Variants in MAL2 observed in about 807,000 individuals in gnomAD.
The protein encoded by MAL2 is mal, T cell differentiation protein 2, also known as protein MAL2.
Under a neutral mutation model 18.1 loss-of-function variants are expected in MAL2, and 17 were observed. That is an observed-to-expected ratio of 0.94 (90% CI 0.64 to 1.41). The LOEUF (loss-of-function observed/expected upper bound fraction) is 1.41, where lower values mean the gene tolerates loss of function less well. Ranked by LOEUF, MAL2 falls within the 40% of genes most tolerant of loss-of-function variation. The pLI, the probability that MAL2 is intolerant of heterozygous loss-of-function variation, is 0.00. For synonymous variants in MAL2, 102 were observed against 102.3 expected, an observed-to-expected ratio of 1.00 and a Z score of 0.02; for missense variants, 222 against 231.9, an observed-to-expected ratio of 0.96 and a Z score of 0.28.
At chr8:119,229,272 G>C (rs1817659062) in intron 2 of MAL2, among the ~76,000 whole-genome samples, 1 of 150,464 alleles carries the variant, frequency 6.6e-6, no homozygotes, top group African/African-American at 2.4e-5. Flanking sequence ...TAGTCTATTT[G>C]CTATTGATCA....
intron 1 of MAL2, among the ~76,000 whole-genome samples, chr8:119,213,176 C>T (rs143859224): frequency 7.2e-5 from 11 of 152,208 alleles, no homozygotes; most frequent in African/African-American, 2.6e-4. Flanking sequence ...CTAGACTAAA[C>T]TTAAATATAA....
At position 119,221,627 on chromosome 8, in the gene MAL2, A is replaced by C; in HGVS notation, c.173A>C (p.Asn58Thr). 1 of 1,613,708 alleles carries C rather than the reference A, an allele frequency of 6.2e-7. No individual in the cohort carries two copies. Among genetic ancestry groups the C allele is most frequent in the Non-Finnish European group, 8.5e-7 (1 of 1,179,772 alleles). The change falls in exon 2 of 4, where the codon AAT (asparagine) becomes ACT (threonine). Residue 58 changes from asparagine (N) to threonine (T), a missense_variant. Asn to Thr is a moderately conservative substitution (Grantham distance 65). Coordinates refer to ENST00000614891, the MANE Select transcript of MAL2 (RefSeq NM_052886.3). ...GTCTGGATTTTGGTTGCCTCCTCCA[A>C]TGTTCCTCTACCTCTACTACAAGGA... ...GLVWILVASSNVPLPLLQGWV... is the reference protein window; with the variant it reads ...GLVWILVASSTVPLPLLQGWV...
chr8:119,211,672 T>A (rs949325845), intron 1 of MAL2, among the ~76,000 whole-genome samples: 2 of 150,542 alleles, frequency 1.3e-5, no homozygotes, highest in African/African-American at 4.9e-5. Flanking sequence ...AAGTGGAGAA[T>A]ATTACAATCT....
intron 3 of MAL2, among the ~76,000 whole-genome samples, chr8:119,241,980 T>C (rs1362260269): frequency 6.6e-6 from 1 of 152,124 alleles, no homozygotes; most frequent in African/African-American, 2.4e-5. Flanking sequence ...GTGATCCACA[T>C]TAGAAAACCC....
In MAL2 at chr8:119,243,744, GAA is replaced by G; in HGVS notation, c.*258_*259del. ...CCTTTATTTTCCTCCTTTTCTTTCTGAAAGTTTCCTTTTATGTCCATAAAATA... is the reference window on the plus strand; with the variant it reads ...CCTTTATTTTCCTCCTTTTCTTTCTGAGTTTCCTTTTATGTCCATAAAATA... On this transcript the variant is annotated 3_prime_UTR_variant, in exon 4 of 4. Transcript: ENST00000614891. The G allele has an allele frequency of 3.0e-6, 1 of 331,638 alleles. No homozygotes were observed. The highest frequency in any genetic ancestry group is 5.4e-6 in the Non-Finnish European group (1 of 184,814). The allele number at this position is 331,638 out of a possible 1,614,324, so 20.5% of individuals were successfully genotyped here. A position where few individuals can be genotyped will look rare whatever the true frequency, so the allele number is the denominator to read the frequency against.
intron 2 of MAL2, among the ~76,000 whole-genome samples, chr8:119,230,026 T>TA (rs767013915): frequency 5.9e-5 from 9 of 152,296 alleles, no homozygotes; most frequent in Non-Finnish European, 8.8e-5. Context: ...TTTTTTGAGT[T>TA]AGTGGCTTCC....
At chr8:119,222,335 C>T (rs1168966269) in intron 2 of MAL2, among the ~76,000 whole-genome samples, 1 of 151,828 alleles carries the variant, frequency 6.6e-6, no homozygotes, top group Non-Finnish European at 1.5e-5. Flanking sequence ...TCAAGACCAG[C>T]CTGGCCAACA....
At chr8:119,228,675 G>A (rs1817646751) in intron 2 of MAL2, among the ~76,000 whole-genome samples, 1 of 152,180 alleles carries the variant, frequency 6.6e-6, no homozygotes, top group Non-Finnish European at 1.5e-5. Context: ...CAGAGACTGA[G>A]TGAATGCAGT....
rs753461993 is a variant in MAL2 at position 119,238,884 on chromosome 8, A to C, written c.304-1281A>C. Among the ~76,000 whole-genome samples, 441 of 151,964 alleles carry C rather than the reference A, an allele frequency of 2.9e-3. 1 individual carries two copies. Among genetic ancestry groups the C allele is most frequent in the Non-Finnish European group, 5.3e-3 (359 of 68,022 alleles). On this transcript the variant is annotated intron_variant, in intron 2 of 3. Transcript: ENST00000614891. ...GGCATGGGCAAGGACTTCATGTCTAAAACACCAAAAGCAATGGCAACACAA... is the reference window on the plus strand; with the variant it reads ...GGCATGGGCAAGGACTTCATGTCTACAACACCAAAAGCAATGGCAACACAA...
chr8:119,231,283 T>C (rs1817721774), intron 2 of MAL2, among the ~76,000 whole-genome samples: 2 of 152,164 alleles, frequency 1.3e-5, no homozygotes, highest in African/African-American at 2.4e-5. Flanking sequence ...CCGCCCGCCT[T>C]GACCTCCCAA....
At position 119,208,414 on chromosome 8, in the gene MAL2, G is replaced by A; in HGVS notation, c.-59G>A. On this transcript the variant is annotated 5_prime_UTR_variant, in exon 1 of 4. Coordinates refer to ENST00000614891, the MANE Select transcript of MAL2 (RefSeq NM_052886.3). This position sits in a 1 kb window ranked among gnomAD's most constrained non-coding sequence, Gnocchi z 4.3. ...GCGGCGGCGGCGGCGGCAGGAGCCC[G>A]GGAGGCGGAGGCGGGAGGCGGCGGC... is the stretch of plus-strand genomic sequence containing the variant. 1.0e-6 allele frequency: 1 copy of A among 997,506 alleles called. No individual in the cohort carries two copies. Among genetic ancestry groups the A allele is most frequent in the Non-Finnish European group, 1.2e-6 (1 of 818,680 alleles). The allele number at this position is 997,506 out of a possible 1,614,324, so 61.8% of individuals were successfully genotyped here. A position where few individuals can be genotyped will look rare whatever the true frequency, so the allele number is the denominator to read the frequency against.
At chr8:119,221,341 G>A (rs1295880986) in intron 1 of MAL2, 5 of 424,216 alleles carry the variant, frequency 1.2e-5, no homozygotes, top group South Asian at 5.2e-5. Flanking sequence ...TTGAAGAAGC[G>A]AGTCCAACCT....
intron 3 of MAL2, among the ~76,000 whole-genome samples, chr8:119,241,372 A>G (rs1158258739): frequency 1.4e-5 from 2 of 148,056 alleles, no homozygotes; most frequent in African/African-American, 5.3e-5. Context: ...TGAAAAAGGA[A>G]AAAAAACAGA....
chr8:119,215,597 C>G (rs568041795), intron 1 of MAL2: 4 of 152,130 alleles, frequency 2.6e-5, no homozygotes, highest in African/African-American at 9.7e-5. Flanking sequence ...GTGGAAGCAC[C>G]GAGGGATGGC....
Position 119,244,867 on chromosome 8 carries a change from AGAGT to A in MAL2, c.*1383_*1386del, listed in dbSNP as rs1352831981. On this transcript the variant is annotated 3_prime_UTR_variant, in exon 4 of 4. Coordinates refer to ENST00000614891, the MANE Select transcript of MAL2 (RefSeq NM_052886.3). ...ACTGTTTTGAATGGAAGGACAAGTA[AGAGT>A]GAGGCCACAGTTCCCACCACACGAG... 1 of 152,628 alleles carries A rather than the reference AGAGT, an allele frequency of 6.6e-6. No homozygotes were observed. The highest frequency in any genetic ancestry group is 2.4e-5 in the African/African-American group (1 of 41,464). 9.5% of individuals were successfully genotyped at this position (152,628 alleles called of 1,614,324 possible).
At chr8:119,225,911 A>G (rs1030341983) in intron 2 of MAL2, among the ~76,000 whole-genome samples, 113 of 152,284 alleles carry the variant, frequency 7.4e-4, no homozygotes, top group African/African-American at 2.7e-3. Flanking sequence ...GGCTGCATAA[A>G]TGTCTTCTTT....
intron 1 of MAL2, among the ~76,000 whole-genome samples, chr8:119,210,858 A>G (rs1433492771): frequency 6.6e-6 from 1 of 151,920 alleles, no homozygotes; most frequent in East Asian, 1.9e-4. Context: ...GGCCCCCTTT[A>G]TCTCCTTTAC....
At chr8:119,219,502 G>A (rs1563769906) in intron 1 of MAL2, among the ~76,000 whole-genome samples, 2 of 151,154 alleles carry the variant, frequency 1.3e-5, no homozygotes, top group Admixed American at 6.6e-5. Flanking sequence ...TTAAGAGCGT[G>A]CTCTATCACT....
At chr8:119,214,336 C>G (rs4871600) in intron 1 of MAL2, among the ~76,000 whole-genome samples, 30,422 of 152,162 alleles carry the variant, frequency 0.2, 3,996 homozygotes, top group East Asian at 0.57. Flanking sequence ...CTCCAGGTTT[C>G]TGCACTTTAA....
Sources: gnomAD v4.1 joint callset for allele counts (sites outside exome capture counted in the v4.1 genomes callset) on GRCh38, gnomAD v4.1.1 for gene constraint, Gnocchi (gnomAD v3.1) non-coding constraint, MANE v1.5 for transcripts, NCBI Gene and HGNC (gene_info 2026-07-23, HGNC 2026-07-21) for gene names.